CSTA: variants seen among roughly 807,000 people sequenced by gnomAD.
The protein encoded by CSTA is cystatin-A.
In CSTA, 9 loss-of-function variants were observed where a neutral mutation model predicts 9.2. That is an observed-to-expected ratio of 0.97 (90% confidence interval 0.59 to 1.70). CSTA has a LOEUF of 1.70. Among genes scored for constraint, CSTA ranks in the 40% most tolerant of loss-of-function variants. CSTA has a pLI of 0.00. For missense variants in CSTA, 118 were observed against 113.1 expected (o/e 1.04, Z -0.20); for synonymous variants, 36 against 40.6 (o/e 0.89, Z 0.43).
At chr3:122,329,119 C>G (rs1007473639) in intron 1 of CSTA, among the ~76,000 whole-genome samples, 1 of 151,436 alleles carries the variant, frequency 6.6e-6, no homozygotes, top group East Asian at 2.0e-4. Context: ...GCGCCCGCCA[C>G]CATGCCTGGC....
intron 1 of CSTA, among the ~76,000 whole-genome samples, chr3:122,333,563 GAA>G (rs1419230772): frequency 8.0e-6 from 1 of 125,360 alleles, no homozygotes; most frequent in Admixed American, 8.8e-5. Context: ...AAGAAAGAAA[GAA>G]AGAAAGAAAG....
intron 2 of CSTA, among the ~76,000 whole-genome samples, chr3:122,340,459 C>T (rs2075259809): frequency 6.6e-6 from 1 of 152,164 alleles, no homozygotes; most frequent in Non-Finnish European, 1.5e-5. Context: ...TGTGCACCAC[C>T]ACACCCAGCT....
intron 1 of CSTA, among the ~76,000 whole-genome samples, chr3:122,336,163 G>C (rs1206070769): frequency 6.6e-6 from 1 of 152,150 alleles, no homozygotes; most frequent in East Asian, 1.9e-4. Context: ...TTAGTAACAA[G>C]AGACACAGCA....
chr3:122,329,072 T>C (rs2075187259), intron 1 of CSTA, among the ~76,000 whole-genome samples: 7 of 150,608 alleles, frequency 4.6e-5, no homozygotes, highest in Admixed American at 4.6e-4. Flanking sequence ...TTCACGCCAT[T>C]CTCCTGCCTC....
intron 1 of CSTA, among the ~76,000 whole-genome samples, chr3:122,333,540 G>GAA (rs1274127478): frequency 8.9e-6 from 1 of 112,078 alleles, no homozygotes; most frequent in Non-Finnish European, 1.8e-5. Context: ...AGAAAAGAAA[G>GAA]AAGAAAGAAA....
intron 2 of CSTA, 50 bp downstream of exon 2, chr3:122,337,698 A>G: frequency 8.6e-7 from 1 of 1,163,996 alleles, no homozygotes; most frequent in Non-Finnish European, 1.3e-6. Context: ...TTCTCATTTT[A>G]TGTAAAATAT....
Position 122,341,625 on chromosome 3 carries a change from C to T in CSTA, c.*58C>T. On this transcript the variant is annotated 3_prime_UTR_variant, in exon 3 of 3. Transcript: ENST00000264474. ...ACTGGCTACTGAGTCATGATCCTTGCTGATAAATATAACCATCAATAAAGA... is the reference window on the plus strand; with the variant it reads ...ACTGGCTACTGAGTCATGATCCTTGTTGATAAATATAACCATCAATAAAGA... The T allele has an allele frequency of 6.3e-7, 1 of 1,594,738 alleles. No individual in the cohort carries two copies. The highest frequency in any genetic ancestry group is 8.6e-7 in the Non-Finnish European group (1 of 1,163,390).
chr3:122,328,952 A>C (rs1055436670), intron 1 of CSTA, among the ~76,000 whole-genome samples: 6 of 150,516 alleles, frequency 4.0e-5, no homozygotes, highest in African/African-American at 1.2e-4. Context: ...AAAAGTAAAA[A>C]AAAATTAAAA....
chr3:122,341,449 G>C lies in CSTA; in HGVS notation c.179G>C (p.Gly60Ala). Residue 60 changes from glycine (G) to alanine (A), a missense_variant, in exon 3 of 3, where the codon GGT becomes GCT. Gly to Ala is a moderately conservative substitution (Grantham distance 60). Coordinates refer to ENST00000264474, the MANE Select transcript of CSTA (RefSeq NM_005213.4). ...TTTAATATTTTTCAGGTACGAGCAG[G>C]TGATAATAAATATATGCACTTGAAA... ...GTNYYIKVRA[G>A]DNKYMHLKVF... 1.2e-6 allele frequency: 2 copies of C among 1,613,948 alleles called. No individual in the cohort carries two copies. The highest frequency in any genetic ancestry group is 1.7e-5 in the Admixed American group (1 of 60,000).
Position 122,341,922 on chromosome 3 carries a change from T to C in CSTA, c.*355T>C. 1 of 306,800 alleles carries C rather than the reference T, an allele frequency of 3.3e-6. No homozygotes were observed. 19.0% of individuals were successfully genotyped at this position (306,800 alleles called of 1,614,324 possible). ...CCCTGTGGCTGCTGATAACCCAACA[T>C]TCCATCTCTACCCTCATACTTCAAA... On this transcript the variant is annotated 3_prime_UTR_variant, in exon 3 of 3. Coordinates refer to ENST00000264474, the MANE Select transcript of CSTA (RefSeq NM_005213.4).
intron 2 of CSTA, among the ~76,000 whole-genome samples, chr3:122,339,776 GC>G (rs2075255186): frequency 6.6e-6 from 1 of 152,184 alleles, no homozygotes; most frequent in Admixed American, 6.5e-5. Context: ...GATCACTTGA[GC>G]CGAGGAGTTT....
At chr3:122,333,686 GAA>G (rs2075220145) in intron 1 of CSTA, among the ~76,000 whole-genome samples, 1 of 148,304 alleles carries the variant, frequency 6.7e-6, no homozygotes, top group South Asian at 2.1e-4. Flanking sequence ...AAAGAAGAAA[GAA>G]AGAGAGAGAG....
At chr3:122,330,853 A>G (rs1021258292) in intron 1 of CSTA, among the ~76,000 whole-genome samples, 1 of 152,188 alleles carries the variant, frequency 6.6e-6, no homozygotes, top group African/African-American at 2.4e-5. Context: ...TAAGAGGGAC[A>G]CATCCAGAAA....
Position 122,325,363 on chromosome 3 carries a change from G to T in CSTA, c.66+5G>T, listed in dbSNP as rs374213670. ...ATCCAGGAGATTGTTGATAAGGTGA[G>T]TTGATGCCATTCAGGAAAAAGTCTG... On this transcript the variant is annotated splice_donor_5th_base_variant and intron_variant, in intron 1 of 2. Transcript: ENST00000264474. The T allele has an allele frequency of 6.2e-7, 1 of 1,613,980 alleles. No homozygotes were observed. The highest frequency in any genetic ancestry group is 1.7e-5 in the Admixed American group (1 of 60,004).
At chr3:122,332,932 A>T (rs960959911) in intron 1 of CSTA, among the ~76,000 whole-genome samples, 1 of 151,972 alleles carries the variant, frequency 6.6e-6, no homozygotes, top group Non-Finnish European at 1.5e-5. Flanking sequence ...AAGCTCCCCT[A>T]CTCTGCCCCT....
chr3:122,341,500 A>C lies in CSTA; in HGVS notation c.230A>C (p.Asn77Thr). ...LKVFKSLPGQ[N>T]EDLVLTGYQV... ...GTATTCAAAAGTCTTCCCGGACAAA[A>C]TGAGGACTTGGTACTTACTGGATAC... The change falls in exon 3 of 3, where the codon AAT becomes ACT. Residue 77 changes from asparagine to threonine, a missense_variant. Transcript: ENST00000264474. The C allele has an allele frequency of 6.2e-7, 1 of 1,614,098 alleles. No homozygotes were observed. The highest frequency in any genetic ancestry group is 8.5e-7 in the Non-Finnish European group (1 of 1,179,976).
intron 2 of CSTA, 112 bp downstream of exon 2, chr3:122,337,760 GATGCCCAGCATGAT>G: frequency 1.7e-5 from 14 of 840,126 alleles, no homozygotes; most frequent in Non-Finnish European, 2.7e-5. Flanking sequence ...CCTAAATTAA[GATGCCCAGCATGAT>G]TCCTTCCAAG....
intron 1 of CSTA, among the ~76,000 whole-genome samples, chr3:122,327,697 G>A (rs2075178990): frequency 6.6e-6 from 1 of 152,070 alleles, no homozygotes; most frequent in Non-Finnish European, 1.5e-5. Flanking sequence ...GTGCATAGGT[G>A]AGGTATCACA....
At chr3:122,328,906 A>G (rs1399549209) in intron 1 of CSTA, among the ~76,000 whole-genome samples, 1 of 151,482 alleles carries the variant, frequency 6.6e-6, no homozygotes, top group Admixed American at 6.6e-5. Context: ...GTGCCACTGC[A>G]CTCCAGCCTG....
Sources: gnomAD v4.1 joint callset for allele counts (sites outside exome capture counted in the v4.1 genomes callset) on GRCh38, gnomAD v4.1.1 for gene constraint, MANE v1.5 for transcripts, NCBI Gene and HGNC (gene_info 2026-07-23, HGNC 2026-07-21) for gene names.